Variants in SEMA3A observed in about 807,000 individuals in gnomAD.
SEMA3A encodes semaphorin-3A.
In SEMA3A, 29 loss-of-function variants were observed where a neutral mutation model predicts 97.9. The ratio of observed to expected loss-of-function variants is 0.30; its 90% CI spans 0.22 to 0.40. The LOEUF (loss-of-function observed/expected upper bound fraction) is 0.40, where lower values mean the gene tolerates loss of function less well. Among genes scored for constraint, SEMA3A ranks in the 10% least tolerant of loss-of-function variants. The pLI, the probability that SEMA3A is intolerant of heterozygous loss-of-function variation, is 1.00. For synonymous variants in SEMA3A, 321 were observed against 323.7 expected (o/e 0.99, Z 0.09); for missense variants, 763 against 951.3 (o/e 0.80, Z 2.60).
intron 6 of SEMA3A, among the ~76,000 whole-genome samples, chr7:84,027,698 G>A (rs1353861475): frequency 6.6e-6 from 1 of 152,098 alleles, no homozygotes; most frequent in Non-Finnish European, 1.5e-5. Flanking sequence ...TCATGGAGAT[G>A]AGGTGGCAGT....
At chr7:84,466,941 C>T (rs941693442) in intron 1 of SEMA3A, among the ~76,000 whole-genome samples, 4 of 151,848 alleles carry the variant, frequency 2.6e-5, no homozygotes, top group African/African-American at 9.7e-5. Flanking sequence ...CCTCCTCAGT[C>T]TTCTCTCTCA....
intron 2 of SEMA3A, among the ~76,000 whole-genome samples, chr7:84,334,799 G>C (rs961362462): frequency 7.0e-6 from 1 of 142,308 alleles, no homozygotes; most frequent in African/African-American, 2.6e-5. Context: ...CACAACCCCT[G>C]CCCTCCCACC....
intron 1 of SEMA3A, among the ~76,000 whole-genome samples, chr7:84,396,609 T>C (rs2116193775): frequency 6.6e-6 from 1 of 152,054 alleles, no homozygotes; most frequent in Middle Eastern, 3.4e-3. Flanking sequence ...TGAAAGAAAA[T>C]ATTTGTTTTC....
At chr7:84,193,966 T>G (rs756723321) in intron 1 of SEMA3A, among the ~76,000 whole-genome samples, 2 of 152,172 alleles carry the variant, frequency 1.3e-5, no homozygotes, top group Non-Finnish European at 2.9e-5. Flanking sequence ...TATGTTCTCT[T>G]GGCAAACCAT....
chr7:84,247,554 G>C (rs1799504204), intron 3 of SEMA3A, among the ~76,000 whole-genome samples: 1 of 152,144 alleles, frequency 6.6e-6, no homozygotes, highest in African/African-American at 2.4e-5. Flanking sequence ...AGCCAATAAA[G>C]AGTAACATAA....
At chr7:84,418,102 C>A (rs1804483816) in intron 1 of SEMA3A, among the ~76,000 whole-genome samples, 1 of 151,894 alleles carries the variant, frequency 6.6e-6, no homozygotes, top group East Asian at 1.9e-4. Flanking sequence ...GAGGGTGTTG[C>A]CAGAGAAGAA....
intron 6 of SEMA3A, among the ~76,000 whole-genome samples, chr7:84,023,999 G>T: frequency 7.5e-6 from 1 of 133,454 alleles, no homozygotes; most frequent in East Asian, 2.3e-4. Context: ...GCAACGGAGC[G>T]AGACTCCGTC....
chr7:84,081,053 G>T (rs1426107720), intron 4 of SEMA3A, among the ~76,000 whole-genome samples: 1 of 151,850 alleles, frequency 6.6e-6, no homozygotes, highest in Non-Finnish European at 1.5e-5. Flanking sequence ...TTAAAACAAT[G>T]CAAGAGGTTT....
At chr7:83,965,092 T>G (rs1057210504) in intron 15 of SEMA3A, among the ~76,000 whole-genome samples, 1 of 114,558 alleles carries the variant, frequency 8.7e-6, no homozygotes, top group Non-Finnish European at 1.7e-5. Flanking sequence ...GATTTAAACT[T>G]TTTTGTATTT....
intron 4 of SEMA3A, among the ~76,000 whole-genome samples, chr7:84,061,177 G>T (rs1272422770): frequency 6.6e-6 from 1 of 152,172 alleles, no homozygotes; most frequent in Non-Finnish European, 1.5e-5. Context: ...CAGGTTAGGA[G>T]AGCAGTGTGC....
chr7:84,092,130 T>C (rs897385353), intron 4 of SEMA3A, among the ~76,000 whole-genome samples: 2 of 152,178 alleles, frequency 1.3e-5, no homozygotes, highest in African/African-American at 4.8e-5. Context: ...TTTTTTTAAA[T>C]GCTCCCTCTA....
At chr7:84,476,890 C>A (rs571203805) in intron 1 of SEMA3A, among the ~76,000 whole-genome samples, 35 of 151,638 alleles carry the variant, frequency 2.3e-4, no homozygotes, top group Non-Finnish European at 4.3e-4. Flanking sequence ...AATTCTTAGC[C>A]ATGTTCTGAA....
chr7:84,055,521 C>T (rs958163286), intron 5 of SEMA3A, among the ~76,000 whole-genome samples: 5 of 152,232 alleles, frequency 3.3e-5, no homozygotes, highest in Non-Finnish European at 7.3e-5. Flanking sequence ...TCCCTGACCC[C>T]TTGCGCTTCC....
chr7:84,425,712 G>T (rs1401711597), intron 1 of SEMA3A, among the ~76,000 whole-genome samples: 1 of 148,820 alleles, frequency 6.7e-6, no homozygotes, highest in Non-Finnish European at 1.5e-5. Flanking sequence ...AAAACATTTT[G>T]ATGTAATCCC....
At chr7:84,141,549 G>A (rs1247738952) in intron 1 of SEMA3A, among the ~76,000 whole-genome samples, 1 of 152,106 alleles carries the variant, frequency 6.6e-6, no homozygotes, top group Non-Finnish European at 1.5e-5. Context: ...AGCATGTGCA[G>A]GTTTGTTACA....
chr7:84,362,154 T>C (rs918077839), intron 2 of SEMA3A, among the ~76,000 whole-genome samples: 5 of 151,878 alleles, frequency 3.3e-5, no homozygotes, highest in Admixed American at 3.3e-4. Flanking sequence ...CTCACAACTG[T>C]TGTAAACTTG....
chr7:84,092,378 G>C (rs1794629973), intron 4 of SEMA3A, among the ~76,000 whole-genome samples: 1 of 152,018 alleles, frequency 6.6e-6, no homozygotes, highest in Non-Finnish European at 1.5e-5. Context: ...GTTTCTACTT[G>C]TCTCCTTTGC....
intron 3 of SEMA3A, among the ~76,000 whole-genome samples, chr7:84,207,801 G>A (rs1291088908): frequency 6.6e-6 from 1 of 152,092 alleles, no homozygotes; most frequent in Non-Finnish European, 1.5e-5. Flanking sequence ...GTTGCTATGG[G>A]AGGCGGGTTT....
intron 1 of SEMA3A, among the ~76,000 whole-genome samples, chr7:84,135,798 T>G (rs1261375286): frequency 6.6e-6 from 1 of 152,168 alleles, no homozygotes; most frequent in Non-Finnish European, 1.5e-5. Flanking sequence ...ATTTTGGAGC[T>G]GATATATAGA....
Sources: gnomAD v4.1 joint callset for allele counts (sites outside exome capture counted in the v4.1 genomes callset) on GRCh38, gnomAD v4.1.1 for gene constraint, MANE v1.5 for transcripts, NCBI Gene and HGNC (gene_info 2026-07-23, HGNC 2026-07-21) for gene names.